SLCO1C1: variants seen among roughly 807,000 people sequenced by gnomAD.
SLCO1C1 encodes the protein solute carrier organic anion transporter family member 1C1, also known as OAT-RP-5.
Under a neutral mutation model 76.4 loss-of-function variants are expected in SLCO1C1, and 70 were observed. That is an observed-to-expected ratio of 0.92 (90% confidence interval 0.76 to 1.12). The LOEUF is 1.12. Among genes scored for constraint, SLCO1C1 ranks in the 50% most tolerant of loss-of-function variants. SLCO1C1 has a pLI of 0.00. For missense variants in SLCO1C1, 912 were observed against 823.8 expected, an observed-to-expected ratio of 1.11 and a Z score of -1.31; for synonymous variants, 306 against 286.1, an observed-to-expected ratio of 1.07 and a Z score of -0.70.
At chr12:20,724,223 C>T (rs892332517) in intron 9 of SLCO1C1, among the ~76,000 whole-genome samples, 5 of 151,552 alleles carry the variant, frequency 3.3e-5, no homozygotes, top group African/African-American at 4.8e-5. Flanking sequence ...TCCAACACCC[C>T]ATGCATGCTA....
In SLCO1C1 at chr12:20,740,787, TTATATATATATATA is replaced by T. The variant is rs71039980; in HGVS notation, c.1733+437_1733+450del. On this transcript the variant is annotated intron_variant, in intron 12 of 14. Coordinates refer to ENST00000266509, the MANE Select transcript of SLCO1C1 (RefSeq NM_017435.5). ...ACAACAATGTTAGAATTTATTTTAT[TTATATATATATATA>T]TATATATATATATATATGGCTTTAT... 1.7e-4 allele frequency among the ~76,000 whole-genome samples: 13 copies of T among 75,078 alleles called. 1 individual carries two copies. Among genetic ancestry groups the T allele is most frequent in the African/African-American group, 3.3e-4 (6 of 18,434 alleles). 49.3% of individuals were successfully genotyped at this position (75,078 alleles called of 152,430 possible). A position where few individuals can be genotyped will look rare whatever the true frequency, so the allele number is the denominator to read the frequency against.
At chr12:20,733,220 T>C in intron 10 of SLCO1C1, 116 bp downstream of exon 10, 5 of 961,648 alleles carry the variant, frequency 5.2e-6, no homozygotes, top group Non-Finnish European at 7.4e-6. Flanking sequence ...GTAAGCAACT[T>C]AGTATTTTAT....
intron 1 of SLCO1C1, chr12:20,697,082 G>T (rs1372347281): frequency 6.6e-6 from 1 of 151,810 alleles, no homozygotes; most frequent in African/African-American, 2.4e-5. Flanking sequence ...AAGTTTTTCA[G>T]TAGTGTTTTT....
intron 3 of SLCO1C1, among the ~76,000 whole-genome samples, chr12:20,705,451 ATG>A (rs1261384066): frequency 6.6e-6 from 1 of 151,958 alleles, no homozygotes; most frequent in Admixed American, 6.6e-5. Context: ...ATTTGTGTAC[ATG>A]TGTTTCATCA....
chr12:20,745,574 C>T (rs1049230750), intron 13 of SLCO1C1, among the ~76,000 whole-genome samples: 8 of 151,984 alleles, frequency 5.3e-5, no homozygotes, highest in Non-Finnish European at 1.5e-5. Context: ...CCTGTAATCC[C>T]AGCACTTTGA....
At chr12:20,735,702 GT>G (rs1341189341) in intron 10 of SLCO1C1, among the ~76,000 whole-genome samples, 1 of 152,134 alleles carries the variant, frequency 6.6e-6, no homozygotes, top group Non-Finnish European at 1.5e-5. Context: ...CATCATACCA[GT>G]TCTACTAGAT....
chr12:20,699,638 G>A lies in SLCO1C1; in HGVS notation c.62G>A (p.Gly21Glu), dbSNP rs1946424801. 1.2e-6 allele frequency: 2 copies of A among 1,612,512 alleles called. No homozygotes were observed. The highest frequency in any genetic ancestry group is 2.7e-5 in the African/African-American group (2 of 74,894). ...LFCKTSVQPV[G>E]RPSFKTEYPS... ...TGCAAAACTTCAGTGCAACCTGTTG[G>A]AAGGCCTTCTTTTAAAACAGAATAT... The change falls in exon 2 of 15, where the codon GGA becomes GAA. Residue 21 changes from glycine (G) to glutamate (E), a missense_variant. Coordinates refer to ENST00000266509, the MANE Select transcript of SLCO1C1 (RefSeq NM_017435.5).
At chr12:20,721,352 C>G (rs1947660038) in intron 7 of SLCO1C1, among the ~76,000 whole-genome samples, 1 of 152,204 alleles carries the variant, frequency 6.6e-6, no homozygotes, top group Non-Finnish European at 1.5e-5. Context: ...CCAACAACCA[C>G]TGCCCTGATC....
At chr12:20,704,212 T>G (rs1410862688) in intron 3 of SLCO1C1, among the ~76,000 whole-genome samples, 1 of 151,382 alleles carries the variant, frequency 6.6e-6, no homozygotes, top group East Asian at 1.9e-4. Flanking sequence ...AGCAAAAACT[T>G]TGATAGATAC....
chr12:20,705,684 T>C (rs980826251), intron 3 of SLCO1C1, among the ~76,000 whole-genome samples: 2 of 152,032 alleles, frequency 1.3e-5, no homozygotes, highest in African/African-American at 4.8e-5. Context: ...ACTGATAAAA[T>C]ATTTTACAAG....
At chr12:20,736,337 G>GT (rs1948537497) in intron 10 of SLCO1C1, among the ~76,000 whole-genome samples, 2 of 33,082 alleles carry the variant, frequency 6.0e-5, no homozygotes, top group Non-Finnish European at 5.1e-4. Context: ...AACCAATTTT[G>GT]GGGGGGGGTG....
rs908998775 is a variant in SLCO1C1 at position 20,699,415 on chromosome 12, T to A, written c.-25-137T>A. On this transcript the variant is annotated intron_variant, in intron 1 of 14. Transcript: ENST00000266509. ...CCTGGTTGATTTTAATTGAAAACAT[T>A]TGCCAACTTACTGTGACAACAAAAG... The A allele has an allele frequency of 8.9e-6, 6 of 672,284 alleles. No homozygotes were observed. In the South Asian group the frequency reaches 1.7e-4, roughly 20 times the overall value. 41.6% of individuals were successfully genotyped at this position (672,284 alleles called of 1,614,324 possible). A position where few individuals can be genotyped will look rare whatever the true frequency, so the allele number is the denominator to read the frequency against.
chr12:20,723,046 C>G (rs755472313), intron 8 of SLCO1C1, 44 bp from the exon 9 acceptor site: 1 of 1,547,106 alleles, frequency 6.5e-7, no homozygotes, highest in African/African-American at 1.4e-5. Context: ...TTCTTCCATG[C>G]GTGACACCAA....
chr12:20,740,990 G>T (rs2120883981), intron 12 of SLCO1C1, among the ~76,000 whole-genome samples: 1 of 151,676 alleles, frequency 6.6e-6, no homozygotes, highest in East Asian at 2.0e-4. Flanking sequence ...AGGTTTAATT[G>T]ACTCACAGTT....
chr12:20,715,346 T>C (rs1947314485), intron 6 of SLCO1C1, 61 bp downstream of exon 6: 1 of 1,581,400 alleles, frequency 6.3e-7, no homozygotes, highest in Non-Finnish European at 8.6e-7. Context: ...GTTTTCTGAA[T>C]TCCCCTCTAT....
chr12:20,713,083 C>CTT (rs71039973), intron 5 of SLCO1C1, among the ~76,000 whole-genome samples: 2,235 of 142,482 alleles, frequency 0.016, 27 homozygotes, highest in East Asian at 0.053. Flanking sequence ...AAGATGTTTT[C>CTT]TTTTTTTTTT....
intron 10 of SLCO1C1, among the ~76,000 whole-genome samples, chr12:20,735,841 G>A (rs1565535858): frequency 1.3e-5 from 2 of 152,082 alleles, no homozygotes; most frequent in African/African-American, 4.8e-5. Context: ...CTAACTTACT[G>A]GAAATTTTGT....
At chr12:20,738,350 G>T (rs1335460297) in intron 11 of SLCO1C1, among the ~76,000 whole-genome samples, 1 of 151,952 alleles carries the variant, frequency 6.6e-6, no homozygotes, top group Non-Finnish European at 1.5e-5. Flanking sequence ...CTTTCTATTT[G>T]TGACTGATTA....
intron 14 of SLCO1C1, 71 bp downstream of exon 14, chr12:20,750,863 A>G: frequency 6.2e-7 from 1 of 1,613,950 alleles, no homozygotes; most frequent in Non-Finnish European, 8.5e-7. Flanking sequence ...CACTGACACT[A>G]ACAAGTTTTC....
Sources: gnomAD v4.1 joint callset for allele counts (sites outside exome capture counted in the v4.1 genomes callset) on GRCh38, gnomAD v4.1.1 for gene constraint, MANE v1.5 for transcripts, NCBI Gene and HGNC (gene_info 2026-07-23, HGNC 2026-07-21) for gene names.